The following TAX1BP1 variants were observed in gnomAD, a reference collection of about 807,000 sequenced individuals.
TAX1BP1 encodes tax1-binding protein 1.
In TAX1BP1, 62 loss-of-function variants were observed where a neutral mutation model predicts 97.7. That is an observed-to-expected ratio of 0.63 (90% CI 0.52 to 0.78). The LOEUF is 0.78. TAX1BP1 is among the 30% of genes least tolerant of loss of function. The pLI, the probability that TAX1BP1 is intolerant of heterozygous loss-of-function variation, is 0.00. For missense variants in TAX1BP1, 867 were observed against 916.1 expected (o/e 0.95, Z 0.69); for synonymous variants, 340 against 304.2 (o/e 1.12, Z -1.23).
intron 5 of TAX1BP1, among the ~76,000 whole-genome samples, chr7:27,779,122 T>C (rs768901940): frequency 1.8e-4 from 28 of 152,136 alleles, no homozygotes; most frequent in Non-Finnish European, 3.8e-4. Flanking sequence ...TGTTTCTTTT[T>C]ATTGCTTAAT....
intron 4 of TAX1BP1, among the ~76,000 whole-genome samples, chr7:27,767,206 A>G (rs1341035789): frequency 6.6e-6 from 1 of 152,158 alleles, no homozygotes; most frequent in African/African-American, 2.4e-5. Context: ...TTATAATAAT[A>G]AGAAAAATAG....
At chr7:27,785,366 CATT>C (rs1789439166) in intron 6 of TAX1BP1, 30 bp from the exon 7 acceptor site, 1 of 1,596,606 alleles carries the variant, frequency 6.3e-7, no homozygotes, top group Middle Eastern at 1.7e-4. Context: ...AACTTTAAAA[CATT>C]ATAATGTTAC....
intron 14 of TAX1BP1, 116 bp downstream of exon 14, chr7:27,816,636 A>G: frequency 1.0e-6 from 1 of 994,144 alleles, no homozygotes; most frequent in Non-Finnish European, 1.4e-6. Flanking sequence ...ACATTATTTT[A>G]TTTGTATAAT....
intron 15 of TAX1BP1, among the ~76,000 whole-genome samples, chr7:27,824,820 A>T (rs1024340708): frequency 6.6e-5 from 10 of 152,182 alleles, no homozygotes; most frequent in Non-Finnish European, 1.2e-4. Context: ...TAATATTAAT[A>T]AAAGTTTTCT....
chr7:27,742,881 T>G (rs1562691944), intron 1 of TAX1BP1, among the ~76,000 whole-genome samples: 1 of 152,240 alleles, frequency 6.6e-6, no homozygotes, highest in Admixed American at 6.5e-5. Context: ...ATTCAAAGTT[T>G]CAACCTTTTT....
intron 5 of TAX1BP1, among the ~76,000 whole-genome samples, chr7:27,779,792 CT>C (rs921783616): frequency 3.3e-5 from 5 of 152,194 alleles, no homozygotes; most frequent in African/African-American, 1.2e-4. Flanking sequence ...GCCTTGTTAC[CT>C]TTTATATCAT....
rs139090293 is a variant in TAX1BP1, at chr7:27,773,376, A to T, written c.612+3542A>T. Among the ~76,000 whole-genome samples the T allele has an allele frequency of 2.9e-3, 439 of 152,214 alleles. 1 individual carries two copies. The highest frequency in any genetic ancestry group is 4.9e-3 in the Non-Finnish European group (336 of 67,970). ...GTATTTACAAAATCATGCAACCATTACCATAGTCTAATTTAGGAACAAATT... is the reference window on the plus strand; with the variant it reads ...GTATTTACAAAATCATGCAACCATTTCCATAGTCTAATTTAGGAACAAATT... On this transcript the variant is annotated intron_variant, in intron 5 of 16. Coordinates refer to ENST00000396319, the MANE Select transcript of TAX1BP1 (RefSeq NM_006024.7).
chr7:27,762,908 G>A (rs1788481362), intron 3 of TAX1BP1, among the ~76,000 whole-genome samples: 1 of 152,130 alleles, frequency 6.6e-6, no homozygotes, highest in Non-Finnish European at 1.5e-5. Context: ...AGCCGAGATT[G>A]TACCACTTCA....
At position 27,787,572 on chromosome 7, in the gene TAX1BP1, A is replaced by G. The variant is rs143687148; in HGVS notation, c.1007A>G (p.Gln336Arg). The G allele has an allele frequency of 6.6e-3, 10,719 of 1,612,022 alleles. 54 individuals carry two copies. The highest frequency in any genetic ancestry group is 8.2e-3 in the Non-Finnish European group (9,656 of 1,179,088). ...TGTTTGGCTGAAAAGGAAAATCTGC[A>G]AAGAACTTTCCTGCTTACAACCTCA... is the stretch of plus-strand genomic sequence containing the variant. ...QLCLAEKENL[Q>R]RTFLLTTSSK... The change falls in exon 8 of 17, where the codon CAA becomes CGA. Residue 336 changes from glutamine to arginine, a missense_variant. Physicochemically the swap from Gln to Arg is conservative, Grantham distance 43. Coordinates refer to ENST00000396319, the MANE Select transcript of TAX1BP1 (RefSeq NM_006024.7).
intron 13 of TAX1BP1, among the ~76,000 whole-genome samples, chr7:27,809,478 C>G (rs536282470): frequency 2.6e-5 from 4 of 152,166 alleles, no homozygotes; most frequent in Admixed American, 2.6e-4. Context: ...AAACATGGAC[C>G]CCTTGAGGGG....
At chr7:27,781,313 CT>C (rs1789245819) in intron 5 of TAX1BP1, among the ~76,000 whole-genome samples, 1 of 152,202 alleles carries the variant, frequency 6.6e-6, no homozygotes, top group Non-Finnish European at 1.5e-5. Context: ...ATGATTTCCT[CT>C]TTGTGCAAAC....
chr7:27,752,051 A>G (rs1303309900), intron 2 of TAX1BP1, among the ~76,000 whole-genome samples: 1 of 152,216 alleles, frequency 6.6e-6, no homozygotes, highest in East Asian at 1.9e-4. Context: ...AAGGAGTAAT[A>G]AAGTTTAGAA....
intron 15 of TAX1BP1, among the ~76,000 whole-genome samples, chr7:27,822,447 A>G (rs534578936): frequency 6.6e-5 from 10 of 152,194 alleles, no homozygotes; most frequent in African/African-American, 2.2e-4. Context: ...CTTTTGAAAA[A>G]CTGCCCGATT....
chr7:27,775,944 TAC>T (rs998137683), intron 5 of TAX1BP1, among the ~76,000 whole-genome samples: 53 of 152,180 alleles, frequency 3.5e-4, no homozygotes, highest in African/African-American at 1.3e-3. Context: ...TTCCAGCTTC[TAC>T]AGTTACACAA....
rs575443047 is a variant in TAX1BP1 at position 27,815,989 on chromosome 7, G to A, written c.1765-360G>A. 1.7e-4 allele frequency among the ~76,000 whole-genome samples: 26 copies of A among 152,226 alleles called. No individual in the cohort carries two copies. The South Asian group carries it at 5.0e-3, about 29-fold the overall frequency. On this transcript the variant is annotated intron_variant, in intron 13 of 16. Transcript: ENST00000396319. ...GTGGAGGTTGCAGTGAGCCAAGATC[G>A]TGCCATTGCACCCCAGCCTGGGTGA...
chr7:27,825,426 A>G (rs1791141818), intron 15 of TAX1BP1, among the ~76,000 whole-genome samples: 1 of 152,154 alleles, frequency 6.6e-6, no homozygotes, highest in Admixed American at 6.5e-5. Flanking sequence ...TATTATATGT[A>G]TTGGCTCCTT....
chr7:27,788,908 G>A (rs1361366131), intron 8 of TAX1BP1, among the ~76,000 whole-genome samples: 1 of 151,928 alleles, frequency 6.6e-6, no homozygotes, highest in Non-Finnish European at 1.5e-5. Context: ...CATTCAGTGG[G>A]TATTTTGCAT....
chr7:27,773,477 A>G (rs1583691604), intron 5 of TAX1BP1, among the ~76,000 whole-genome samples: 1 of 152,052 alleles, frequency 6.6e-6, no homozygotes, highest in Non-Finnish European at 1.5e-5. Context: ...CCAGTCCCAG[A>G]CAGCCACTAA....
intron 3 of TAX1BP1, among the ~76,000 whole-genome samples, chr7:27,765,402 T>A (rs1788595278): frequency 6.6e-6 from 1 of 152,184 alleles, no homozygotes; most frequent in African/African-American, 2.4e-5. Flanking sequence ...CATATTACTT[T>A]AGTTAATATC....
Sources: gnomAD v4.1 joint callset for allele counts (sites outside exome capture counted in the v4.1 genomes callset) on GRCh38, gnomAD v4.1.1 for gene constraint, MANE v1.5 for transcripts, NCBI Gene and HGNC (gene_info 2026-07-23, HGNC 2026-07-21) for gene names.